Variants in PACSIN2 observed in about 807,000 individuals in gnomAD.
PACSIN2 encodes protein kinase C and casein kinase substrate in neurons 2.
A neutral mutation model predicts 63.8 loss-of-function variants in PACSIN2; 25 were observed. The observed-to-expected ratio is 0.39, with a 90% CI of 0.29 to 0.55. The LOEUF (loss-of-function observed/expected upper bound fraction) is 0.55, where lower values mean the gene tolerates loss of function less well. Ranked by LOEUF, PACSIN2 falls within the 20% of genes least tolerant of loss-of-function variation. PACSIN2 has a pLI of 0.62. For missense variants in PACSIN2, 518 were observed against 646.9 expected (o/e 0.80, Z 2.16); for synonymous variants, 255 against 256.2 (o/e 1.00, Z 0.05).
chr22:42,983,499 A>AAAAAAAAAAAAAAAC (rs1922387626), intron 1 of PACSIN2, among the ~76,000 whole-genome samples: 1 of 145,828 alleles, frequency 6.9e-6, no homozygotes, highest in African/African-American at 2.5e-5. Context: ...CAAAAAAAAA[A>AAAAAAAAAAAAAAAC]AAAAAAAAAC....
chr22:43,005,808 A>C (rs1398548955), intron 1 of PACSIN2, among the ~76,000 whole-genome samples: 1 of 152,154 alleles, frequency 6.6e-6, no homozygotes, highest in Non-Finnish European at 1.5e-5. Flanking sequence ...AAGGGCTCTC[A>C]GTATCCTGGT....
At chr22:42,937,785 G>A (rs546397890) in intron 1 of PACSIN2, among the ~76,000 whole-genome samples, 2 of 152,284 alleles carry the variant, frequency 1.3e-5, no homozygotes, top group African/African-American at 2.4e-5. Context: ...ATGCAGCTCC[G>A]AGAACAGCAA....
intron 7 of PACSIN2, 140 bp from the exon 8 acceptor site, chr22:42,879,309 G>A: frequency 1.1e-6 from 1 of 901,170 alleles, no homozygotes; most frequent in Non-Finnish European, 1.6e-6. Flanking sequence ...GCTCTCCCTG[G>A]TTTCCCAGAA....
intron 2 of PACSIN2, among the ~76,000 whole-genome samples, chr22:42,894,728 G>A (rs1046655927): frequency 6.6e-6 from 1 of 152,174 alleles, no homozygotes; most frequent in African/African-American, 2.4e-5. Flanking sequence ...GAAAATGTTC[G>A]ATATGTTTCA....
At chr22:42,899,457 G>C (rs1469815958) in intron 2 of PACSIN2, among the ~76,000 whole-genome samples, 2 of 152,120 alleles carry the variant, frequency 1.3e-5, no homozygotes, top group Non-Finnish European at 2.9e-5. Flanking sequence ...AGACACCTCT[G>C]TATGTGGGTG....
chr22:42,971,333 C>T (rs1386897983), intron 1 of PACSIN2, among the ~76,000 whole-genome samples: 1 of 152,158 alleles, frequency 6.6e-6, no homozygotes, highest in Non-Finnish European at 1.5e-5. Context: ...GTGATCTGCC[C>T]GCCTCAGCCT....
At chr22:42,988,478 T>C (rs943642058) in intron 1 of PACSIN2, among the ~76,000 whole-genome samples, 1 of 152,182 alleles carries the variant, frequency 6.6e-6, no homozygotes, top group African/African-American at 2.4e-5. Context: ...AAAAAATACA[T>C]TATGCAATGA....
At chr22:42,963,511 C>A (rs1327778253) in intron 1 of PACSIN2, among the ~76,000 whole-genome samples, 3 of 152,208 alleles carry the variant, frequency 2.0e-5, no homozygotes, top group East Asian at 1.9e-4. Flanking sequence ...AGGACAGGAT[C>A]CAGCAAGGCT....
intron 1 of PACSIN2, among the ~76,000 whole-genome samples, chr22:42,967,510 T>C (rs908661047): frequency 6.6e-6 from 1 of 152,228 alleles, no homozygotes; most frequent in Non-Finnish European, 1.5e-5. Flanking sequence ...TAAAGATCTT[T>C]AACTTTGTAA....
chr22:43,010,399 T>TATATA (rs1388431678), intron 1 of PACSIN2, among the ~76,000 whole-genome samples: 7 of 32,494 alleles, frequency 2.2e-4, no homozygotes, highest in African/African-American at 8.5e-4. Context: ...TATATATATA[T>TATATA]TTTTTTTTAA....
chr22:42,901,617 G>A (rs1930692380), intron 2 of PACSIN2, among the ~76,000 whole-genome samples: 2 of 152,180 alleles, frequency 1.3e-5, no homozygotes, highest in Admixed American at 6.5e-5. Flanking sequence ...GGATAGGAGG[G>A]GTTTACACTG....
chr22:42,966,916 G>A (rs1241844883), intron 1 of PACSIN2, among the ~76,000 whole-genome samples: 2 of 152,122 alleles, frequency 1.3e-5, no homozygotes, highest in African/African-American at 4.8e-5. Flanking sequence ...ATGTTTTATC[G>A]GTGTGATTTT....
At position 42,912,337 on chromosome 22, in the gene PACSIN2, T is replaced by C. The variant is rs183917091; in HGVS notation, c.-77-180A>G. ...AATCAACTCTGGGCACATATGTGTA[T>C]GTCTGTGTGTGTGCATGGTGGGTGA... On this transcript the variant is annotated intron_variant, in intron 1 of 10. Transcript: ENST00000263246. Among the ~76,000 whole-genome samples the C allele has an allele frequency of 5.9e-5, 9 of 152,318 alleles. No homozygotes were observed. In the East Asian group the frequency reaches 9.6e-4, roughly 16 times the overall value.
rs141956945 is a variant in PACSIN2, at chr22:42,877,213, G to T, written c.1029-203C>A. Among the ~76,000 whole-genome samples the T allele has an allele frequency of 1.2e-3, 179 of 152,320 alleles. 5 individuals are homozygous for T. In the South Asian group the frequency reaches 0.018, roughly 15 times the overall value. On this transcript the variant is annotated intron_variant, in intron 8 of 10. Transcript: ENST00000263246. ...AACACGGTCCAGGAGCCTAGGAGAG[G>T]ACTTGGTTTCCCTTTTCCTTCCTTG... is the stretch of plus-strand genomic sequence containing the variant.
intron 1 of PACSIN2, among the ~76,000 whole-genome samples, chr22:42,925,343 G>C (rs1277152945): frequency 6.6e-6 from 1 of 152,040 alleles, no homozygotes; most frequent in African/African-American, 2.4e-5. Flanking sequence ...AGCTGTGTGT[G>C]GTGGCGCATG....
At chr22:42,980,490 C>T (rs1480834923) in intron 1 of PACSIN2, among the ~76,000 whole-genome samples, 2 of 141,058 alleles carry the variant, frequency 1.4e-5, no homozygotes, top group Non-Finnish European at 3.1e-5. Flanking sequence ...CTCTCCCCCT[C>T]CCCCTCCCCC....
intron 1 of PACSIN2, among the ~76,000 whole-genome samples, chr22:42,924,750 G>GT (rs990060980): frequency 2.0e-5 from 3 of 150,594 alleles, no homozygotes; most frequent in Non-Finnish European, 4.4e-5. Flanking sequence ...CCCCAGTGAG[G>GT]TTTTTTTTCT....
intron 5 of PACSIN2, among the ~76,000 whole-genome samples, chr22:42,886,577 C>T (rs936132790): frequency 2.6e-5 from 4 of 152,130 alleles, no homozygotes; most frequent in Admixed American, 1.3e-4. Flanking sequence ...GCAATCCTCC[C>T]GCCTCAGCCT....
chr22:42,902,916 T>G (rs771384469), intron 2 of PACSIN2, among the ~76,000 whole-genome samples: 10 of 152,160 alleles, frequency 6.6e-5, no homozygotes, highest in Non-Finnish European at 1.5e-4. Flanking sequence ...GCCCGGCCTA[T>G]TTATCAGTTC....
Sources: allele counts gnomAD v4.1 joint callset (sites outside exome capture counted in the v4.1 genomes callset), GRCh38; gene constraint gnomAD v4.1.1; transcripts MANE v1.5; gene names NCBI Gene and HGNC (gene_info 2026-07-23, HGNC 2026-07-21).